PI4K2B: variants seen among roughly 807,000 people sequenced by gnomAD.
The protein encoded by PI4K2B is phosphatidylinositol 4-kinase type 2 beta, also known as phosphatidylinositol 4-kinase type 2-beta.
Under a neutral mutation model 56.6 loss-of-function variants are expected in PI4K2B, and 46 were observed. The ratio of observed to expected loss-of-function variants is 0.81; its 90% CI spans 0.64 to 1.04. The LOEUF is 1.04. Ranked by LOEUF, PI4K2B falls within the 50% of genes least tolerant of loss-of-function variation. PI4K2B has a pLI of 0.00. For synonymous variants in PI4K2B, 211 were observed against 223.8 expected (o/e 0.94, Z 0.51); for missense variants, 556 against 607.7 (o/e 0.91, Z 0.89).
At chr4:25,261,224 A>G (rs2109019067) in intron 6 of PI4K2B, among the ~76,000 whole-genome samples, 1 of 152,266 alleles carries the variant, frequency 6.6e-6, no homozygotes, top group East Asian at 1.9e-4. Context: ...TCAGTATTAG[A>G]TAATACAATA....
chr4:25,268,404 T>A lies in PI4K2B; in HGVS notation c.1079-39T>A, dbSNP rs185281971. On this transcript the variant is annotated intron_variant, in intron 7 of 9. Coordinates refer to ENST00000264864, the MANE Select transcript of PI4K2B (RefSeq NM_018323.4). ...GAAAAATGTAAGTCTAAATAAACCA[T>A]TTCCTACCACTGATTAGGAGAATGC... 7.3e-5 allele frequency: 113 copies of A among 1,556,880 alleles called. No individual in the cohort carries two copies. The Admixed American group carries it at 8.3e-4, about 11-fold the overall frequency.
chr4:25,263,870 G>A (rs1716570905), intron 7 of PI4K2B, 21 bp downstream of exon 7: 1 of 1,054,518 alleles, frequency 9.5e-7, no homozygotes, highest in Non-Finnish European at 1.5e-6. Context: ...AGAACCTTCT[G>A]TAGAGTCTAT....
chr4:25,249,902 C>T (rs1715975529), intron 1 of PI4K2B, among the ~76,000 whole-genome samples: 1 of 152,020 alleles, frequency 6.6e-6, no homozygotes, highest in African/African-American at 2.4e-5. Flanking sequence ...GAGCCGAGAT[C>T]ACGCCACTGC....
In PI4K2B at chr4:25,236,206, A is replaced by AAAAT. The variant is rs55804997; in HGVS notation, c.268+1824_268+1827dup. On this transcript the variant is annotated intron_variant, in intron 1 of 9. Coordinates refer to ENST00000264864, the MANE Select transcript of PI4K2B (RefSeq NM_018323.4). ...TGAGACAGAGCAAGACTCTGTCTCA[A>AAAAT]AAATAAATAAATAAATAAATAAATA... 5.7e-3 allele frequency among the ~76,000 whole-genome samples: 790 copies of AAAAT among 139,730 alleles called. 7 individuals carry two copies. The highest frequency in any genetic ancestry group is 0.014 in the African/African-American group (516 of 37,334). 91.7% of individuals were successfully genotyped at this position (139,730 alleles called of 152,430 possible). A position where few individuals can be genotyped will look rare whatever the true frequency, so the allele number is the denominator to read the frequency against.
At chr4:25,251,311 A>G (rs959180723) in intron 1 of PI4K2B, among the ~76,000 whole-genome samples, 1 of 152,140 alleles carries the variant, frequency 6.6e-6, no homozygotes, top group South Asian at 2.1e-4. Context: ...AGAGGATGGA[A>G]GAGGAGGTGT....
chr4:25,255,345 A>G, intron 3 of PI4K2B, 80 bp downstream of exon 3: 1 of 1,255,796 alleles, frequency 8.0e-7, no homozygotes, highest in Non-Finnish European at 1.1e-6. Flanking sequence ...ATTATTCCTA[A>G]TGATAGAACC....
intron 5 of PI4K2B, 114 bp downstream of exon 5, chr4:25,259,304 C>G: frequency 1.4e-6 from 1 of 705,108 alleles, no homozygotes; most frequent in Non-Finnish European, 2.4e-6. Context: ...GCCACTTTCT[C>G]TGTCTGTCTT....
intron 9 of PI4K2B, among the ~76,000 whole-genome samples, chr4:25,269,439 C>A (rs1370411443): frequency 6.6e-6 from 1 of 151,986 alleles, no homozygotes; most frequent in African/African-American, 2.4e-5. Flanking sequence ...GAGTTCGAGA[C>A]CAGCCTGGCC....
At chr4:25,276,730 T>C (rs1717109715) in intron 9 of PI4K2B, 2 of 985,364 alleles carry the variant, frequency 2.0e-6, no homozygotes, top group Non-Finnish European at 2.4e-6. Context: ...ATTCCATTGC[T>C]CCTGGACATA....
chr4:25,248,859 A>G (rs879868907), intron 1 of PI4K2B, among the ~76,000 whole-genome samples: 11 of 151,116 alleles, frequency 7.3e-5, no homozygotes, highest in Non-Finnish European at 1.2e-4. Context: ...TGTTTCTCGG[A>G]GAGGGGGATT....
At chr4:25,255,897 A>G (rs1301803188) in intron 3 of PI4K2B, among the ~76,000 whole-genome samples, 1 of 149,466 alleles carries the variant, frequency 6.7e-6, no homozygotes, top group Non-Finnish European at 1.5e-5. Flanking sequence ...GGCACATACC[A>G]TCATGCGCCT....
In PI4K2B at chr4:25,251,980, C is replaced by A. The variant is rs188058622; in HGVS notation, c.269-341C>A. 3.4e-3 allele frequency among the ~76,000 whole-genome samples: 514 copies of A among 152,230 alleles called. 6 individuals are homozygous for A. Among genetic ancestry groups the A allele is most frequent in the African/African-American group, 0.012 (487 of 41,522 alleles). ...CTGGAATTACAGGTGCCCACCACCA[C>A]ATCTGGCTAATTTTTTGTATTTTTA... On this transcript the variant is annotated intron_variant, in intron 1 of 9. Coordinates refer to ENST00000264864, the MANE Select transcript of PI4K2B (RefSeq NM_018323.4).
chr4:25,251,157 G>A (rs1577684432), intron 1 of PI4K2B, among the ~76,000 whole-genome samples: 1 of 152,302 alleles, frequency 6.6e-6, no homozygotes, highest in East Asian at 1.9e-4. Flanking sequence ...TGTTGGTAAC[G>A]GAGAGAAGAG....
intron 9 of PI4K2B, among the ~76,000 whole-genome samples, chr4:25,272,863 TA>T (rs889068556): frequency 4.6e-3 from 637 of 139,276 alleles, no homozygotes; most frequent in African/African-American, 5.6e-3. Context: ...ACCTTGTCTC[TA>T]AAAAAAAAAA....
At chr4:25,270,256 TTGAG>T (rs1716831602) in intron 9 of PI4K2B, among the ~76,000 whole-genome samples, 1 of 152,194 alleles carries the variant, frequency 6.6e-6, no homozygotes, top group African/African-American at 2.4e-5. Flanking sequence ...GTCACCAAGA[TTGAG>T]TATCAATTGT....
chr4:25,255,382 A>G, intron 3 of PI4K2B, 117 bp downstream of exon 3: 1 of 789,746 alleles, frequency 1.3e-6, no homozygotes, highest in South Asian at 1.6e-5. Context: ...TTTTGGTAGT[A>G]GTCCAAGAGT....
intron 1 of PI4K2B, among the ~76,000 whole-genome samples, chr4:25,241,287 A>G (rs1560366363): frequency 1.3e-5 from 2 of 152,242 alleles, no homozygotes; most frequent in Admixed American, 6.5e-5. Context: ...GAAGAGGCTT[A>G]CTTTCAAGTA....
chr4:25,268,511 C>G lies in PI4K2B; in HGVS notation c.1147C>G (p.Leu383Val), dbSNP rs537395852. Residue 383 changes from leucine (L) to valine (V), a missense_variant, in exon 8 of 10, where the codon CTA becomes GTA. Physicochemically the swap from Leu to Val is conservative, Grantham distance 32 (BLOSUM62 1). Transcript: ENST00000264864. ...TTCTGAAGAAATAAGAAATTTGATTCTACCATATATTTCTGACATGAACTT... is the reference window on the plus strand; with the variant it reads ...TTCTGAAGAAATAAGAAATTTGATTGTACCATATATTTCTGACATGAACTT... ...PFSEEIRNLI[L>V]PYISDMNFVQ... 3.8e-6 allele frequency: 6 copies of G among 1,597,326 alleles called. No homozygotes were observed. The East Asian group carries it at 1.1e-4, about 30-fold the overall frequency.
At position 25,277,704 on chromosome 4, in the gene PI4K2B, A is replaced by G. The variant is rs1717156559; in HGVS notation, c.*517A>G. ...TTGAATAAGTACTCCTAAAGTGACC[A>G]TTATTAGGGACCAGAAAATTATATC... On this transcript the variant is annotated 3_prime_UTR_variant, in exon 10 of 10. Coordinates refer to ENST00000264864, the MANE Select transcript of PI4K2B (RefSeq NM_018323.4). The G allele has an allele frequency of 6.6e-6, 1 of 152,214 alleles. No individual in the cohort carries two copies. The highest frequency in any genetic ancestry group is 6.5e-5 in the Admixed American group (1 of 15,280). 9.4% of individuals were successfully genotyped at this position (152,214 alleles called of 1,614,324 possible).
Sources: gnomAD v4.1 joint callset for allele counts (sites outside exome capture counted in the v4.1 genomes callset) on GRCh38, gnomAD v4.1.1 for gene constraint, MANE v1.5 for transcripts, NCBI Gene and HGNC (gene_info 2026-07-23, HGNC 2026-07-21) for gene names.